Variants in RERG observed in about 807,000 individuals in gnomAD.
The protein encoded by RERG is RAS like estrogen regulated growth inhibitor.
A neutral mutation model predicts 23.2 loss-of-function variants in RERG; 25 were observed. The ratio of observed to expected loss-of-function variants is 1.08; its 90% CI spans 0.79 to 1.50. RERG has a LOEUF of 1.50. Ranked by LOEUF, RERG falls within the 40% of genes most tolerant of loss-of-function variation. The probability of loss-of-function intolerance (pLI) is 0.00; values close to 1 mark genes in which losing one functional copy is unlikely to be tolerated. For missense variants in RERG, 253 were observed against 250.1 expected (o/e 1.01, Z -0.08); for synonymous variants, 81 against 89.1 (o/e 0.91, Z 0.51).
At chr12:15,191,891 T>A (rs903918839) in intron 2 of RERG, among the ~76,000 whole-genome samples, 2 of 152,294 alleles carry the variant, frequency 1.3e-5, no homozygotes, top group East Asian at 3.9e-4. Context: ...GCCTGACTTG[T>A]TAGCCACAAA....
intron 2 of RERG, among the ~76,000 whole-genome samples, chr12:15,155,800 C>T (rs1401224637): frequency 6.6e-6 from 1 of 152,064 alleles, no homozygotes; most frequent in Non-Finnish European, 1.5e-5. Context: ...TATTATAGAG[C>T]TGGATCTTTC....
chr12:15,214,006 G>A (rs1333851110), intron 2 of RERG, among the ~76,000 whole-genome samples: 2 of 128,450 alleles, frequency 1.6e-5, no homozygotes, highest in South Asian at 4.8e-4. Flanking sequence ...ATGTGTGTGT[G>A]TGTGTGTGTG....
intron 2 of RERG, chr12:15,137,753 G>T (rs1864168226): frequency 2.7e-6 from 1 of 368,194 alleles, no homozygotes; most frequent in African/African-American, 2.1e-5. Context: ...TAAATACATT[G>T]TTTCCTTTAC....
At chr12:15,178,685 G>T (rs999844919) in intron 2 of RERG, among the ~76,000 whole-genome samples, 1 of 152,066 alleles carries the variant, frequency 6.6e-6, no homozygotes, top group African/African-American at 2.4e-5. Flanking sequence ...TAAATTAAAT[G>T]ACTGCACTGA....
intron 2 of RERG, among the ~76,000 whole-genome samples, chr12:15,190,106 G>A (rs1214183775): frequency 6.6e-6 from 1 of 152,128 alleles, no homozygotes; most frequent in African/African-American, 2.4e-5. Context: ...TAAAGTAGAT[G>A]AGGATAGCTT....
At chr12:15,135,078 T>A (rs117252916) in intron 2 of RERG, among the ~76,000 whole-genome samples, 1,579 of 152,318 alleles carry the variant, frequency 0.01, 10 homozygotes, top group Middle Eastern at 0.02. Context: ...ACTTAGTTTT[T>A]CTCTAATTTC....
At chr12:15,184,433 GA>G (rs35011454) in intron 2 of RERG, among the ~76,000 whole-genome samples, 41,862 of 150,726 alleles carry the variant, frequency 0.28, 7,041 homozygotes, top group African/African-American at 0.48. Context: ...CTTACAGAAA[GA>G]AAAAAAAAGA....
At chr12:15,198,409 C>T (rs1419888477) in intron 2 of RERG, among the ~76,000 whole-genome samples, 1 of 152,128 alleles carries the variant, frequency 6.6e-6, no homozygotes, top group Non-Finnish European at 1.5e-5. Flanking sequence ...GGCTCCATTC[C>T]TGAGTTTCCA....
intron 2 of RERG, among the ~76,000 whole-genome samples, chr12:15,156,942 G>GGTAATA (rs1389860050): frequency 6.6e-6 from 1 of 152,152 alleles, no homozygotes; most frequent in Non-Finnish European, 1.5e-5. Context: ...GATTAAACGA[G>GGTAATA]GTAATACATG....
intron 2 of RERG, among the ~76,000 whole-genome samples, chr12:15,208,054 T>C (rs1235128312): frequency 6.6e-6 from 1 of 152,156 alleles, no homozygotes; most frequent in East Asian, 1.9e-4. Context: ...AGACTACCCC[T>C]GATAATATGG....
At chr12:15,119,415 C>CT (rs1863791796) in intron 3 of RERG, among the ~76,000 whole-genome samples, 1 of 151,918 alleles carries the variant, frequency 6.6e-6, no homozygotes, top group Non-Finnish European at 1.5e-5. Flanking sequence ...TTTTTATAAG[C>CT]TTCATCTTTC....
intron 2 of RERG, among the ~76,000 whole-genome samples, chr12:15,143,605 C>T (rs1259778216): frequency 2.0e-5 from 3 of 152,086 alleles, no homozygotes; most frequent in Non-Finnish European, 1.5e-5. Context: ...ATTGATTGAG[C>T]AGCTACAATG....
At chr12:15,172,763 T>A (rs1045886174) in intron 2 of RERG, among the ~76,000 whole-genome samples, 1 of 152,096 alleles carries the variant, frequency 6.6e-6, no homozygotes, top group Non-Finnish European at 1.5e-5. Context: ...GTGCTTATTA[T>A]TCATTGTATA....
intron 1 of RERG, 44 bp from the exon 2 acceptor site, chr12:15,217,647 GAATT>G: frequency 1.7e-6 from 1 of 605,916 alleles, no homozygotes; most frequent in Non-Finnish European, 2.9e-6. Context: ...ACTGGAAAAT[GAATT>G]AATATTTATT....
At chr12:15,118,504 T>C (rs1031488091) in intron 3 of RERG, among the ~76,000 whole-genome samples, 1 of 152,206 alleles carries the variant, frequency 6.6e-6, no homozygotes, top group African/African-American at 2.4e-5. Flanking sequence ...TTGAAACTTT[T>C]AGTCAAAGTA....
At chr12:15,126,213 G>A (rs78601220) in intron 2 of RERG, among the ~76,000 whole-genome samples, 5,562 of 142,724 alleles carry the variant, frequency 0.039, 395 homozygotes, top group African/African-American at 0.14. Flanking sequence ...AAAATGCATC[G>A]TCTAGTCTCA....
chr12:15,107,874 C>T lies in RERG; in HGVS notation c.*1236G>A, dbSNP rs966813922. ...TCCAAATGCATTGGTGAATTAATGC[C>T]GCTAACGCTTACAAATTTTTATACA... On this transcript the variant is annotated 3_prime_UTR_variant, in exon 5 of 5. Coordinates refer to ENST00000256953, the MANE Select transcript of RERG (RefSeq NM_032918.3). 6.6e-6 allele frequency: 1 copy of T among 152,402 alleles called. No individual in the cohort carries two copies. Among genetic ancestry groups the T allele is most frequent in the Non-Finnish European group, 1.5e-5 (1 of 67,964 alleles). The allele number at this position is 152,402 out of a possible 1,614,324, so 9.4% of individuals were successfully genotyped here. A position where few individuals can be genotyped will look rare whatever the true frequency, so the allele number is the denominator to read the frequency against.
At chr12:15,180,441 C>T (rs2136128494) in intron 2 of RERG, among the ~76,000 whole-genome samples, 1 of 152,160 alleles carries the variant, frequency 6.6e-6, no homozygotes, top group South Asian at 2.1e-4. Context: ...GCTTGAGCTA[C>T]TGGCAATGGC....
intron 2 of RERG, among the ~76,000 whole-genome samples, chr12:15,175,812 G>T (rs1864842842): frequency 6.6e-6 from 1 of 152,128 alleles, no homozygotes; most frequent in Non-Finnish European, 1.5e-5. Flanking sequence ...TCTGCAGATA[G>T]AACATTCTGT....
Sources: allele counts gnomAD v4.1 joint callset (sites outside exome capture counted in the v4.1 genomes callset), GRCh38; gene constraint gnomAD v4.1.1; transcripts MANE v1.5; gene names NCBI Gene and HGNC (gene_info 2026-07-23, HGNC 2026-07-21).